The following IQSEC1 variants were observed in gnomAD, a reference collection of about 807,000 sequenced individuals.
The protein encoded by IQSEC1 is IQ motif and Sec7 domain ArfGEF 1.
A neutral mutation model predicts 91.0 loss-of-function variants in IQSEC1; 31 were observed. That is an observed-to-expected ratio of 0.34 (90% CI 0.26 to 0.46). The LOEUF is 0.46. IQSEC1 is among the 20% of genes least tolerant of loss of function. The pLI is 1.00. For synonymous variants in IQSEC1, 699 were observed against 662.6 expected, an observed-to-expected ratio of 1.05 and a Z score of -0.84; for missense variants, 1,388 against 1,575.6, an observed-to-expected ratio of 0.88 and a Z score of 2.02.
In IQSEC1 at chr3:12,959,463, C is replaced by A. The variant is rs371507712; in HGVS notation, c.24-17598G>T. On this transcript the variant is annotated intron_variant, in intron 1 of 13. Coordinates refer to ENST00000613206, the MANE Select transcript of IQSEC1 (RefSeq NM_001134382.3). The stretch of plus-strand genomic sequence containing the variant: ...AGAGAAGCGAGTTCTCCTACCCTGA[C>A]CCAGGAAGGCCCTGTCTGATGGAGG... Among the ~76,000 whole-genome samples the A allele has an allele frequency of 5.3e-5, 8 of 152,328 alleles. No homozygotes were observed. The East Asian group carries it at 9.6e-4, about 18-fold the overall frequency.
At chr3:12,925,259 CGCCTGCCAACGG>C in intron 3 of IQSEC1, among the ~76,000 whole-genome samples, 1 of 152,342 alleles carries the variant, frequency 6.6e-6, no homozygotes, top group South Asian at 2.1e-4. Flanking sequence ...GAACCCTCCC[CGCCTGCCAACGG>C]GTAATAACAG....
intron 1 of IQSEC1, among the ~76,000 whole-genome samples, chr3:13,046,021 G>A (rs1350011301): frequency 6.6e-6 from 1 of 152,230 alleles, no homozygotes; most frequent in East Asian, 1.9e-4. Context: ...ATACGTGTGT[G>A]CGTGTGAGAT....
intron 2 of IQSEC1, among the ~76,000 whole-genome samples, chr3:13,127,802 A>G (rs1312756556): frequency 6.6e-6 from 1 of 152,204 alleles, no homozygotes; most frequent in African/African-American, 2.4e-5. Context: ...ATTTGGTTAT[A>G]TCATCTTTTC....
chr3:13,164,932 C>A (rs963119254), intron 1 of IQSEC1, among the ~76,000 whole-genome samples: 3 of 152,186 alleles, frequency 2.0e-5, no homozygotes, highest in African/African-American at 4.8e-5. Context: ...ACTTACTTAA[C>A]CCAGAGTCAG....
chr3:13,069,801 G>C (rs1705354720), intron 1 of IQSEC1, among the ~76,000 whole-genome samples: 1 of 152,174 alleles, frequency 6.6e-6, no homozygotes, highest in African/African-American at 2.4e-5. Flanking sequence ...CAGAATTGAG[G>C]GCCATCCTTC....
At chr3:12,954,660 G>A (rs963880086) in intron 1 of IQSEC1, among the ~76,000 whole-genome samples, 1 of 152,210 alleles carries the variant, frequency 6.6e-6, no homozygotes, top group Non-Finnish European at 1.5e-5. Context: ...CTCCCCTTGA[G>A]GAGGTCAGCT....
At position 13,041,982 on chromosome 3, in the gene IQSEC1, C is replaced by G. The variant is rs924722361; in HGVS notation, c.23+31010G>C. Among the ~76,000 whole-genome samples the G allele has an allele frequency of 7.2e-5, 11 of 152,164 alleles. No individual in the cohort carries two copies. The East Asian group carries it at 2.1e-3, about 29-fold the overall frequency. ...GCAGGCCGGGGACCCCGGGCCGGTG[C>G]AGCTTCCCTGCCTAGGGCTCACCCC... On this transcript the variant is annotated intron_variant, in intron 1 of 13. Transcript: ENST00000613206.
intron 1 of IQSEC1, among the ~76,000 whole-genome samples, chr3:12,982,285 C>T (rs1306034283): frequency 6.6e-6 from 1 of 152,226 alleles, no homozygotes; most frequent in Non-Finnish European, 1.5e-5. Flanking sequence ...TGTACACTCT[C>T]AACTGAGGAT....
chr3:13,014,456 C>T (rs1197957289), intron 1 of IQSEC1, among the ~76,000 whole-genome samples: 1 of 152,224 alleles, frequency 6.6e-6, no homozygotes, highest in Non-Finnish European at 1.5e-5. Context: ...CCCCTCAGGG[C>T]ACTGAGCAGC....
At chr3:13,056,169 T>A (rs1704873320) in intron 1 of IQSEC1, among the ~76,000 whole-genome samples, 1 of 152,148 alleles carries the variant, frequency 6.6e-6, no homozygotes, top group East Asian at 1.9e-4. Context: ...TGGTCCTGAG[T>A]CCAGGACTGC....
At chr3:12,987,328 G>C (rs1701788439) in intron 1 of IQSEC1, among the ~76,000 whole-genome samples, 1 of 152,236 alleles carries the variant, frequency 6.6e-6, no homozygotes, top group African/African-American at 2.4e-5. Context: ...GGTACGTGCT[G>C]GGGGCAGTGC....
At chr3:13,152,917 G>T (rs1707023567) in intron 2 of IQSEC1, among the ~76,000 whole-genome samples, 1 of 152,072 alleles carries the variant, frequency 6.6e-6, no homozygotes, top group Non-Finnish European at 1.5e-5. Flanking sequence ...AGTGTTCTTG[G>T]TTCTTTTCTT....
chr3:13,272,874 G>T (rs1229055377), intron 1 of IQSEC1, among the ~76,000 whole-genome samples: 1 of 152,198 alleles, frequency 6.6e-6, no homozygotes, highest in African/African-American at 2.4e-5. Context: ...CAAAGGGTTG[G>T]ATTCAAAATC....
intron 1 of IQSEC1, among the ~76,000 whole-genome samples, chr3:12,966,840 G>A (rs748256311): frequency 6.6e-6 from 1 of 152,114 alleles, no homozygotes; most frequent in African/African-American, 2.4e-5. Context: ...CACACACTTG[G>A]GGTCTTGCAG....
intron 2 of IQSEC1, among the ~76,000 whole-genome samples, chr3:13,099,179 C>G (rs1706015698): frequency 1.3e-5 from 2 of 152,148 alleles, no homozygotes; most frequent in East Asian, 3.9e-4. Context: ...CTGAGTGTAG[C>G]CCTGGGGGCC....
chr3:13,129,655 A>ATTTTTTTTT (rs35069619), intron 2 of IQSEC1, among the ~76,000 whole-genome samples: 2 of 118,334 alleles, frequency 1.7e-5, no homozygotes, highest in African/African-American at 3.4e-5. Context: ...CATCTTATGA[A>ATTTTTTTTT]TTTTTTTTTT....
At chr3:13,030,892 C>A (rs1703819077) in intron 1 of IQSEC1, among the ~76,000 whole-genome samples, 1 of 152,256 alleles carries the variant, frequency 6.6e-6, no homozygotes, top group African/African-American at 2.4e-5. Flanking sequence ...CTTCACCAAG[C>A]AGCTATCTCC....
intron 1 of IQSEC1, among the ~76,000 whole-genome samples, chr3:13,041,653 C>G (rs192741190): frequency 1.3e-5 from 2 of 152,214 alleles, no homozygotes; most frequent in African/African-American, 4.8e-5. Context: ...AACACACACG[C>G]TCGGAAGAAC....
intron 1 of IQSEC1, among the ~76,000 whole-genome samples, chr3:13,235,960 T>C (rs557601794): frequency 1.6e-4 from 25 of 152,270 alleles, no homozygotes; most frequent in African/African-American, 5.8e-4. Context: ...TCCTGTCGCC[T>C]TGTAGTGTGG....
Sources: allele counts gnomAD v4.1 joint callset (sites outside exome capture counted in the v4.1 genomes callset), GRCh38; gene constraint gnomAD v4.1.1; transcripts MANE v1.5; gene names NCBI Gene and HGNC (gene_info 2026-07-23, HGNC 2026-07-21).